The following BTRC variants were observed in gnomAD, a reference collection of about 807,000 sequenced individuals.
BTRC encodes the protein F-box/WD repeat-containing protein 1A.
BTRC carries 42 observed loss-of-function variants against 85.5 expected under a neutral mutation model. That is an observed-to-expected ratio of 0.49 (90% confidence interval 0.38 to 0.64). The LOEUF is 0.64. Among genes scored for constraint, BTRC ranks in the 30% least tolerant of loss-of-function variants. The pLI is 0.00. For synonymous variants in BTRC, 255 were observed against 263.3 expected (o/e 0.97, Z 0.30); for missense variants, 594 against 743.5 (o/e 0.80, Z 2.34).
intron 4 of BTRC, among the ~76,000 whole-genome samples, chr10:101,490,047 G>A (rs1375723289): frequency 2.6e-5 from 4 of 151,988 alleles, no homozygotes; most frequent in African/African-American, 9.7e-5. Flanking sequence ...TTATGCATGG[G>A]ACCAGTTGTA....
Position 101,419,170 on chromosome 10 carries a change from C to T in BTRC, c.49-11175C>T, listed in dbSNP as rs146665704. Among the ~76,000 whole-genome samples, 983 of 152,188 alleles carry T rather than the reference C, an allele frequency of 6.5e-3. 8 individuals are homozygous for T. Among genetic ancestry groups the T allele is most frequent in the South Asian group, 0.022 (104 of 4,816 alleles). ...GAATTATAGGCACACACCACCATGC[C>T]TGGCTAATTTTTATATTTTTAGTAG... On this transcript the variant is annotated intron_variant, in intron 1 of 14. Transcript: ENST00000370187.
intron 5 of BTRC, 125 bp from the exon 6 acceptor site, chr10:101,525,888 C>T: frequency 1.2e-6 from 1 of 847,334 alleles, no homozygotes; most frequent in Non-Finnish European, 1.7e-6. Flanking sequence ...GAAACTGGAC[C>T]ACACTAGGGA....
intron 1 of BTRC, among the ~76,000 whole-genome samples, chr10:101,368,725 C>T (rs1483391983): frequency 6.6e-6 from 1 of 151,990 alleles, no homozygotes; most frequent in Non-Finnish European, 1.5e-5. Flanking sequence ...CACTTAATAT[C>T]GTCTTTTTTG....
At chr10:101,362,425 C>T (rs1049684031) in intron 1 of BTRC, among the ~76,000 whole-genome samples, 2 of 149,762 alleles carry the variant, frequency 1.3e-5, no homozygotes, top group Admixed American at 6.7e-5. Flanking sequence ...GATGGAGTTT[C>T]GCTCTTGTTG....
At chr10:101,530,520 A>G (rs1032353811) in intron 6 of BTRC, among the ~76,000 whole-genome samples, 1 of 152,240 alleles carries the variant, frequency 6.6e-6, no homozygotes, top group South Asian at 2.1e-4. Context: ...CCTATAGGGC[A>G]TGTGCTAGTT....
At chr10:101,551,877 C>A (rs980798460) in intron 14 of BTRC, among the ~76,000 whole-genome samples, 1 of 152,160 alleles carries the variant, frequency 6.6e-6, no homozygotes, top group Non-Finnish European at 1.5e-5. Flanking sequence ...AGGGGCAGCA[C>A]TCACCTCACG....
At chr10:101,525,286 T>G (rs1267129093) in intron 5 of BTRC, among the ~76,000 whole-genome samples, 1 of 152,212 alleles carries the variant, frequency 6.6e-6, no homozygotes, top group African/African-American at 2.4e-5. Flanking sequence ...CTACAAAATA[T>G]TCTCTGAAAT....
intron 1 of BTRC, among the ~76,000 whole-genome samples, chr10:101,367,704 G>A (rs941073798): frequency 6.6e-6 from 1 of 152,120 alleles, no homozygotes; most frequent in South Asian, 2.1e-4. Context: ...TCATTCCAGG[G>A]TGTATTCTTT....
chr10:101,368,311 A>G (rs915477264), intron 1 of BTRC, among the ~76,000 whole-genome samples: 1 of 152,172 alleles, frequency 6.6e-6, no homozygotes, highest in African/African-American at 2.4e-5. Flanking sequence ...GACTCTTACC[A>G]GGAGCAGATG....
rs557677432 is a variant in BTRC at position 101,544,655 on chromosome 10, C to T, written c.1657-6044C>T. On this transcript the variant is annotated intron_variant, in intron 13 of 14. Coordinates refer to ENST00000370187, the MANE Select transcript of BTRC (RefSeq NM_033637.4). ...TCCTGGCCTCACATAATCCTCTTGC[C>T]TCACAACCTCCTGAGTAGCTGAGAT... Among the ~76,000 whole-genome samples the T allele has an allele frequency of 2.1e-3, 316 of 152,234 alleles. 3 individuals carry two copies. The highest frequency in any genetic ancestry group is 7.1e-3 in the African/African-American group (294 of 41,536).
intron 1 of BTRC, among the ~76,000 whole-genome samples, chr10:101,398,280 GTGT>G (rs1943412363): frequency 6.6e-6 from 1 of 152,054 alleles, no homozygotes; most frequent in Non-Finnish European, 1.5e-5. Context: ...ATCTAAAAAT[GTGT>G]GTTGAAAATT....
At chr10:101,475,082 C>T (rs11592287) in intron 3 of BTRC, among the ~76,000 whole-genome samples, 40,274 of 152,002 alleles carry the variant, frequency 0.26, 6,359 homozygotes, top group South Asian at 0.4. Flanking sequence ...AATTAGACAA[C>T]GCAAAAGAAA....
At chr10:101,540,846 A>AG (rs2062455234) in intron 13 of BTRC, among the ~76,000 whole-genome samples, 1 of 151,984 alleles carries the variant, frequency 6.6e-6, no homozygotes, top group Non-Finnish European at 1.5e-5. Flanking sequence ...GAGAATATTG[A>AG]CTTCTGAACA....
At chr10:101,366,418 C>T (rs1942375195) in intron 1 of BTRC, among the ~76,000 whole-genome samples, 1 of 151,706 alleles carries the variant, frequency 6.6e-6, no homozygotes, top group Non-Finnish European at 1.5e-5. Flanking sequence ...TCTTAAGGCG[C>T]ACTTTGTTAA....
chr10:101,451,284 A>T (rs1327773457), intron 2 of BTRC, among the ~76,000 whole-genome samples: 1 of 152,156 alleles, frequency 6.6e-6, no homozygotes, highest in African/African-American at 2.4e-5. Context: ...GGCAGCAAAT[A>T]ATTTTAATCC....
At chr10:101,440,897 T>C (rs1944662640) in intron 2 of BTRC, among the ~76,000 whole-genome samples, 1 of 152,206 alleles carries the variant, frequency 6.6e-6, no homozygotes, top group Non-Finnish European at 1.5e-5. Flanking sequence ...TAAGTCCTGC[T>C]CCTTTGTAGC....
intron 1 of BTRC, among the ~76,000 whole-genome samples, chr10:101,423,221 G>A (rs1944155902): frequency 6.6e-6 from 1 of 151,908 alleles, no homozygotes; most frequent in Non-Finnish European, 1.5e-5. Context: ...ACCCTCTCTG[G>A]GTCTTATTTA....
Position 101,471,812 on chromosome 10 carries a change from T to C in BTRC, c.235-7556T>C, listed in dbSNP as rs887520791. ...TTAGAGGTATAGAGCTGTTCAGATT[T>C]TCTGTTTCATGTGTCAATTTTGGTA... On this transcript the variant is annotated intron_variant, in intron 3 of 14. Transcript: ENST00000370187. Among the ~76,000 whole-genome samples the C allele has an allele frequency of 6.6e-5, 10 of 152,314 alleles. No individual in the cohort carries two copies. In the East Asian group the frequency reaches 1.9e-3, roughly 29 times the overall value.
chr10:101,496,518 C>G (rs1418776925), intron 4 of BTRC, among the ~76,000 whole-genome samples: 1 of 152,158 alleles, frequency 6.6e-6, no homozygotes, highest in African/African-American at 2.4e-5. Flanking sequence ...TGGCCTCAGG[C>G]AGTCCTCTTG....
Sources: allele counts gnomAD v4.1 joint callset (sites outside exome capture counted in the v4.1 genomes callset), GRCh38; gene constraint gnomAD v4.1.1; transcripts MANE v1.5; gene names NCBI Gene and HGNC (gene_info 2026-07-23, HGNC 2026-07-21).